Variants in ARSJ observed in about 807,000 individuals in gnomAD.
ARSJ encodes the protein arylsulfatase J.
In ARSJ, 26 loss-of-function variants were observed where a neutral mutation model predicts 35.9. The ratio of observed to expected loss-of-function variants is 0.72; its 90% CI spans 0.53 to 1.00. The LOEUF is 1.00. Among genes scored for constraint, ARSJ ranks in the 50% least tolerant of loss-of-function variants. ARSJ has a pLI of 0.00. For synonymous variants in ARSJ, 294 were observed against 267.6 expected (o/e 1.10, Z -0.96); for missense variants, 667 against 723.6 (o/e 0.92, Z 0.90).
intron 1 of ARSJ, among the ~76,000 whole-genome samples, chr4:113,950,182 C>A (rs1291709654): frequency 1.3e-5 from 2 of 152,098 alleles, no homozygotes; most frequent in African/African-American, 4.8e-5. Context: ...AAACCTGTTT[C>A]TGAAAGAACA....
At chr4:113,911,660 T>A (rs2099670503) in intron 1 of ARSJ, among the ~76,000 whole-genome samples, 1 of 152,130 alleles carries the variant, frequency 6.6e-6, no homozygotes, top group Non-Finnish European at 1.5e-5. Flanking sequence ...AGGAAATCTT[T>A]GCATTGAGTT....
chr4:113,961,358 G>T (rs1397456850), intron 1 of ARSJ, among the ~76,000 whole-genome samples: 1 of 151,958 alleles, frequency 6.6e-6, no homozygotes, highest in African/African-American at 2.4e-5. Flanking sequence ...GTTCTGTAGT[G>T]CTTGTTCTTA....
At chr4:113,922,348 A>C (rs976988513) in intron 1 of ARSJ, among the ~76,000 whole-genome samples, 2 of 152,210 alleles carry the variant, frequency 1.3e-5, no homozygotes, top group Admixed American at 6.6e-5. Flanking sequence ...TAATTTTCAT[A>C]TTTGATATGT....
chr4:113,925,444 T>A (rs1444698456), intron 1 of ARSJ, among the ~76,000 whole-genome samples: 1 of 152,146 alleles, frequency 6.6e-6, no homozygotes, highest in African/African-American at 2.4e-5. Context: ...TATTGGACAC[T>A]GATTCAGAGC....
At chr4:113,927,438 C>G (rs1724140573) in intron 1 of ARSJ, among the ~76,000 whole-genome samples, 1 of 152,194 alleles carries the variant, frequency 6.6e-6, no homozygotes, top group Non-Finnish European at 1.5e-5. Context: ...AGTGTGATAT[C>G]TTGCAGAAGC....
intron 1 of ARSJ, among the ~76,000 whole-genome samples, chr4:113,947,920 G>A (rs987888321): frequency 4.6e-5 from 7 of 152,092 alleles, no homozygotes; most frequent in African/African-American, 1.7e-4. Flanking sequence ...CAGGCATGGT[G>A]GCTCGTGCCT....
In ARSJ at chr4:113,978,504, C is replaced by T; in HGVS notation, c.331G>A (p.Val111Ile). 6.2e-7 allele frequency: 1 copy of T among 1,614,188 alleles called. No homozygotes were observed. Among genetic ancestry groups the T allele is most frequent in the Middle Eastern group, 1.6e-4 (1 of 6,062 alleles). ...PTLDKLAAEGVKLENYYVQPI... is the reference protein window; with the variant it reads ...PTLDKLAAEGIKLENYYVQPI... ...TGGACATAGTAGTTCTCCAGTTTAACTCCTTCGGCAGCGAGCTTGTCAAGA... is the reference window on the plus strand; with the variant it reads ...TGGACATAGTAGTTCTCCAGTTTAATTCCTTCGGCAGCGAGCTTGTCAAGA... Residue 111 changes from valine to isoleucine, a missense_variant, in exon 1 of 2, where the codon GTT (valine) becomes ATT (isoleucine). Physicochemically the swap from Val to Ile is conservative, Grantham distance 29. Coordinates refer to ENST00000315366, the MANE Select transcript of ARSJ (RefSeq NM_024590.4).
At chr4:113,906,371 G>T (rs1443006623) in intron 1 of ARSJ, among the ~76,000 whole-genome samples, 2 of 152,174 alleles carry the variant, frequency 1.3e-5, no homozygotes, top group Non-Finnish European at 2.9e-5. Flanking sequence ...AGAAAAAAAA[G>T]AAAGTAAGAA....
chr4:113,963,956 T>A (rs1205001210), intron 1 of ARSJ, among the ~76,000 whole-genome samples: 1 of 152,110 alleles, frequency 6.6e-6, no homozygotes, highest in Non-Finnish European at 1.5e-5. Flanking sequence ...AACATTGATC[T>A]TAAAACACTA....
intron 1 of ARSJ, among the ~76,000 whole-genome samples, chr4:113,934,418 T>C (rs1390729548): frequency 6.6e-6 from 1 of 151,786 alleles, no homozygotes; most frequent in African/African-American, 2.4e-5. Context: ...AAGAATTAAC[T>C]CCTGTCATTT....
At chr4:113,973,390 G>GC (rs909127472) in intron 1 of ARSJ, among the ~76,000 whole-genome samples, 3 of 152,114 alleles carry the variant, frequency 2.0e-5, no homozygotes, top group Non-Finnish European at 4.4e-5. Flanking sequence ...GAGAACATAA[G>GC]CCCCCATAGT....
chr4:113,932,973 AAAAAG>A (rs1724547400), intron 1 of ARSJ, among the ~76,000 whole-genome samples: 1 of 151,958 alleles, frequency 6.6e-6, no homozygotes, highest in African/African-American at 2.4e-5. Flanking sequence ...TAGACTAACT[AAAAAG>A]AAAACAGAGA....
intron 1 of ARSJ, among the ~76,000 whole-genome samples, chr4:113,959,680 T>A (rs1726418026): frequency 6.6e-6 from 1 of 152,110 alleles, no homozygotes; most frequent in Non-Finnish European, 1.5e-5. Flanking sequence ...TATTTTACTT[T>A]GTGTATATTA....
chr4:113,921,022 G>A (rs1484513485), intron 1 of ARSJ, among the ~76,000 whole-genome samples: 4 of 151,684 alleles, frequency 2.6e-5, no homozygotes, highest in African/African-American at 9.7e-5. Flanking sequence ...GCTGCATGGA[G>A]TTGATTTAGA....
chr4:113,912,057 G>C (rs1006353373), intron 1 of ARSJ, among the ~76,000 whole-genome samples: 3 of 152,188 alleles, frequency 2.0e-5, no homozygotes, highest in Admixed American at 2.0e-4. Context: ...ATAGTGGAAT[G>C]CAATGTTACC....
chr4:113,928,980 C>T (rs1415522383), intron 1 of ARSJ, among the ~76,000 whole-genome samples: 2 of 152,084 alleles, frequency 1.3e-5, no homozygotes, highest in Non-Finnish European at 2.9e-5. Context: ...TCTTTAAATA[C>T]ATATTTAGCT....
intron 1 of ARSJ, among the ~76,000 whole-genome samples, chr4:113,967,519 A>G (rs551381175): frequency 6.6e-6 from 1 of 152,196 alleles, no homozygotes; most frequent in South Asian, 2.1e-4. Context: ...CTCTCATTTG[A>G]TGAGGAGATC....
chr4:113,924,991 C>G (rs539667979), intron 1 of ARSJ, among the ~76,000 whole-genome samples: 1 of 152,204 alleles, frequency 6.6e-6, no homozygotes, highest in Admixed American at 6.5e-5. Context: ...ATTTGTAGTC[C>G]TGCCGGGATT....
intron 1 of ARSJ, among the ~76,000 whole-genome samples, chr4:113,931,358 A>C (rs567613109): frequency 6.6e-5 from 10 of 152,232 alleles, no homozygotes; most frequent in Non-Finnish European, 1.5e-4. Flanking sequence ...AGATTAAGTG[A>C]AAAGAAGAAG....
Sources: allele counts gnomAD v4.1 joint callset (sites outside exome capture counted in the v4.1 genomes callset), GRCh38; gene constraint gnomAD v4.1.1; transcripts MANE v1.5; gene names NCBI Gene and HGNC (gene_info 2026-07-23, HGNC 2026-07-21).